The following KEL variants were observed in gnomAD, a reference collection of about 807,000 sequenced individuals.
KEL encodes the protein Kell metallo-endopeptidase (Kell blood group).
KEL carries 96 observed loss-of-function variants against 99.5 expected under a neutral mutation model. That is an observed-to-expected ratio of 0.97 (90% CI 0.82 to 1.14). The LOEUF (loss-of-function observed/expected upper bound fraction) is 1.14, where lower values mean the gene tolerates loss of function less well. Ranked by LOEUF, KEL falls within the 50% of genes most tolerant of loss-of-function variation. The probability of loss-of-function intolerance (pLI) is 0.00; values close to 1 mark genes in which losing one functional copy is unlikely to be tolerated. For missense variants in KEL, 926 were observed against 924.2 expected (o/e 1.00, Z -0.03); for synonymous variants, 355 against 354.8 (o/e 1.00, Z -0.01).
At chr7:142,943,658 C>T in intron 14 of KEL, 62 bp from the exon 15 acceptor site, 8 of 1,437,894 alleles carry the variant, frequency 5.6e-6, no homozygotes, top group Non-Finnish European at 7.8e-6. Flanking sequence ...ACCCTGAGAC[C>T]TACACAGTCC....
chr7:142,962,210 T>C lies in KEL; in HGVS notation c.-4A>G. ...ACTCCAAAAGGGGACTTACCATCTG[T>C]CTATCTTCTGTGGCTCCAGAATCCT... is the stretch of plus-strand genomic sequence containing the variant. On this transcript the variant is annotated 5_prime_UTR_variant, in exon 1 of 19. Coordinates refer to ENST00000355265, the MANE Select transcript of KEL (RefSeq NM_000420.3). 6.2e-7 allele frequency: 1 copy of C among 1,614,074 alleles called. No individual in the cohort carries two copies. The highest frequency in any genetic ancestry group is 8.5e-7 in the Non-Finnish European group (1 of 1,180,010).
At position 142,941,253 on chromosome 7, in the gene KEL, T is replaced by A. The variant is rs777675249; in HGVS notation, c.2198A>T (p.Ter733LeuextTer46). ...LNPSSRCQLW[*>L] ...GCTGTGGCATCTTTGGTAACCAAGT[T>A]ACCAGAGCTGGCAGCGGCTGGAGGG... The change falls in exon 19 of 19, where the codon TAA (stop) becomes TTA (leucine). Residue 733 changes from the stop codon to leucine, a stop_lost. Coordinates refer to ENST00000355265, the MANE Select transcript of KEL (RefSeq NM_000420.3). The A allele has an allele frequency of 6.2e-7, 1 of 1,614,132 alleles. No individual in the cohort carries two copies. Among genetic ancestry groups the A allele is most frequent in the Non-Finnish European group, 8.5e-7 (1 of 1,180,024 alleles).
At chr7:142,948,720 G>A (rs1394285779) in intron 10 of KEL, among the ~76,000 whole-genome samples, 5 of 152,086 alleles carry the variant, frequency 3.3e-5, no homozygotes, top group East Asian at 3.9e-4. Context: ...ATGAAAGACC[G>A]GAAGCCGCAA....
At chr7:142,956,458 G>A (rs111394467) in intron 6 of KEL, among the ~76,000 whole-genome samples, 2 of 148,968 alleles carry the variant, frequency 1.3e-5, no homozygotes, top group Admixed American at 6.7e-5. Context: ...TTTCTATTAT[G>A]TCAAATGTTT....
Position 142,941,228 on chromosome 7 carries a change from G to T in KEL, c.*24C>A. 1 of 1,613,096 alleles carries T rather than the reference G, an allele frequency of 6.2e-7. No homozygotes were observed. The highest frequency in any genetic ancestry group is 8.5e-7 in the Non-Finnish European group (1 of 1,179,072). On this transcript the variant is annotated 3_prime_UTR_variant, in exon 19 of 19. Coordinates refer to ENST00000355265, the MANE Select transcript of KEL (RefSeq NM_000420.3). ...GGGAGGTGTTGGTCGATATTTCTGT[G>T]CTGTGGCATCTTTGGTAACCAAGTT...
intron 10 of KEL, among the ~76,000 whole-genome samples, chr7:142,949,090 T>C (rs1188605822): frequency 6.6e-6 from 1 of 152,192 alleles, no homozygotes; most frequent in African/African-American, 2.4e-5. Context: ...TATTAGCACT[T>C]ACTAAGTTTG....
intron 10 of KEL, among the ~76,000 whole-genome samples, chr7:142,952,161 T>C (rs902668687): frequency 2.0e-5 from 3 of 152,094 alleles, no homozygotes; most frequent in Non-Finnish European, 4.4e-5. Flanking sequence ...TCCCAATAAA[T>C]TGTAAGCTCT....
chr7:142,961,494 G>A lies in KEL; in HGVS notation c.89C>T (p.Pro30Leu). 1.3e-6 allele frequency: 2 copies of A among 1,596,306 alleles called. No individual in the cohort carries two copies. The highest frequency in any genetic ancestry group is 1.1e-5 in the South Asian group (1 of 88,992). ...CCCTTCCACGGGCAGCCTCTCTTCT[G>A]GAGTGCTCTGTGGGAGGAACCAAGA... ...MGTLWSQEST[P>L]EERLPVEGSR... The change falls in exon 3 of 19, where the codon CCA becomes CTA. Residue 30 changes from proline (P) to leucine (L), a missense_variant. Transcript: ENST00000355265.
chr7:142,959,606 G>T (rs1224814667), intron 4 of KEL, among the ~76,000 whole-genome samples: 1 of 152,094 alleles, frequency 6.6e-6, no homozygotes, highest in Non-Finnish European at 1.5e-5. Flanking sequence ...ATAAGGAAAG[G>T]TTTAGCAAAG....
At chr7:142,944,266 C>G (rs1347683550) in intron 13 of KEL, 57 bp downstream of exon 13, 2 of 1,347,366 alleles carry the variant, frequency 1.5e-6, no homozygotes, top group Non-Finnish European at 2.1e-6. Context: ...TTAGGAGGGT[C>G]AGAGAAGTGA....
rs779832799 is a variant in KEL at position 142,943,545 on chromosome 7, A to G, written c.1644T>C (p.His548=). 1.2e-6 allele frequency: 2 copies of G among 1,614,138 alleles called. No individual in the cohort carries two copies. Among genetic ancestry groups the G allele is most frequent in the South Asian group, 2.2e-5 (2 of 91,086 alleles). ...DVNAYYSVSD[H]VVVFPAGLLQ... ...GGAGTCCAGCTGGAAAGACTACCAC[A>G]TGGTCAGATACCGAATAGTAAGCAT... Residue 548 remains histidine (H), a synonymous_variant, in exon 15 of 19, where the codon CAT becomes CAC. Transcript: ENST00000355265.
intron 4 of KEL, among the ~76,000 whole-genome samples, chr7:142,960,597 T>C (rs999329016): frequency 5.9e-5 from 9 of 151,906 alleles, no homozygotes; most frequent in African/African-American, 2.2e-4. Flanking sequence ...AAGGGACAAG[T>C]TGGAGAGAAT....
chr7:142,953,986 A>G (rs1431729950), intron 8 of KEL, 30 bp from the exon 9 acceptor site: 9 of 1,610,632 alleles, frequency 5.6e-6, no homozygotes, highest in South Asian at 2.2e-5. Flanking sequence ...GCTGAGGGGG[A>G]AAAGGAAAAG....
chr7:142,956,027 C>T (rs538860146), intron 6 of KEL, among the ~76,000 whole-genome samples: 2 of 152,150 alleles, frequency 1.3e-5, no homozygotes, highest in African/African-American at 4.8e-5. Context: ...TCTTCCCTGG[C>T]TCCCTTCTGC....
intron 16 of KEL, 78 bp downstream of exon 16, chr7:142,943,198 C>A: frequency 1.3e-6 from 2 of 1,571,772 alleles, no homozygotes. Context: ...AATAACCTCC[C>A]TTTCCCCTCC....
intron 4 of KEL, 111 bp from the exon 5 acceptor site, chr7:142,958,539 G>A (rs1796884714): frequency 2.0e-6 from 2 of 993,470 alleles, no homozygotes; most frequent in South Asian, 1.4e-5. Flanking sequence ...GTTCTCATCA[G>A]ATGGGTTTTA....
Position 142,942,884 on chromosome 7 carries a change from G to A in KEL, c.1932C>T (p.Ile644=), listed in dbSNP as rs1054734931. 2.5e-5 allele frequency: 40 copies of A among 1,614,056 alleles called. No individual in the cohort carries two copies. In the East Asian group the frequency reaches 3.1e-4, roughly 13 times the overall value. Residue 644 remains isoleucine, a synonymous_variant, in exon 17 of 19, where the codon ATC becomes ATT. Transcript: ENST00000355265. ...CTTGACACTTGCATACCTGCAGCGC[G>A]ATGGCTAGCCCCCCAACGTCTGCAG... ...ENAADVGGLA[I]ALQAYSKRLL...
At position 142,944,562 on chromosome 7, in the gene KEL, T is replaced by C. The variant is rs1027954149; in HGVS notation, c.1413+81A>G. ...TGTGCCTGGGGGGGCCTTTGGCATTTGCTTCCAATCCCCATCTCGCTTGTT... is the reference window on the plus strand; with the variant it reads ...TGTGCCTGGGGGGGCCTTTGGCATTCGCTTCCAATCCCCATCTCGCTTGTT... On this transcript the variant is annotated intron_variant, in intron 12 of 18. Coordinates refer to ENST00000355265, the MANE Select transcript of KEL (RefSeq NM_000420.3). 4 of 1,319,974 alleles carry C rather than the reference T, an allele frequency of 3.0e-6. No individual in the cohort carries two copies. In the African/African-American group the frequency reaches 5.8e-5, roughly 19 times the overall value. 81.8% of individuals were successfully genotyped at this position (1,319,974 alleles called of 1,614,324 possible).
chr7:142,952,375 A>C (rs957264918), intron 10 of KEL, 134 bp downstream of exon 10: 1 of 1,198,592 alleles, frequency 8.3e-7, no homozygotes, highest in Admixed American at 1.7e-5. Context: ...GCCTGCTTCT[A>C]TGGAAAGCCA....
Sources: allele counts gnomAD v4.1 joint callset (sites outside exome capture counted in the v4.1 genomes callset), GRCh38; gene constraint gnomAD v4.1.1; transcripts MANE v1.5; gene names NCBI Gene and HGNC (gene_info 2026-07-23, HGNC 2026-07-21).